The following MAP1B variants were observed in gnomAD, a reference collection of about 807,000 sequenced individuals.
MAP1B encodes microtubule associated protein 1B, also known as microtubule-associated protein 1B.
MAP1B carries 12 observed loss-of-function variants against 176.1 expected under a neutral mutation model. The ratio of observed to expected loss-of-function variants is 0.07; its 90% confidence interval spans 0.04 to 0.11. The LOEUF (loss-of-function observed/expected upper bound fraction) is 0.11, where lower values mean the gene tolerates loss of function less well. MAP1B is among the 10% of genes least tolerant of loss of function. The probability of loss-of-function intolerance (pLI) is 1.00; values close to 1 mark genes in which losing one functional copy is unlikely to be tolerated. For synonymous variants in MAP1B, 1,044 were observed against 1,135.0 expected (o/e 0.92, Z 1.61); for missense variants, 2,523 against 2,990.5 (o/e 0.84, Z 3.65).
rs79929005 is a variant in MAP1B, at chr5:72,147,389, C to T, written c.286+31590C>T. 8.2e-3 allele frequency among the ~76,000 whole-genome samples: 1,255 copies of T among 152,198 alleles called. 12 individuals carry two copies. The highest frequency in any genetic ancestry group is 0.028 in the African/African-American group (1,166 of 41,524). On this transcript the variant is annotated intron_variant, in intron 2 of 6. Transcript: ENST00000296755. ...GCTGGGGCAATATCTTGAAGGTTAC[C>T]TGTGCCTCATCACTTGCTCTGTAAC...
chr5:72,198,568 C>G lies in MAP1B; in HGVS notation c.5213C>G (p.Pro1738Arg). Residue 1738 changes from proline (P) to arginine (R), a missense_variant, in exon 5 of 7, where the codon CCT becomes CGT. By Grantham distance (103) the Pro-to-Arg change is moderately radical. Transcript: ENST00000296755. ...ASPSTSSAHT[P>R]SQIASPLQED... ...CCGTCCACCTCTTCTGCTCATACCCCTTCTCAGATCGCTTCTCCTCTCCAA... is the reference window on the plus strand; with the variant it reads ...CCGTCCACCTCTTCTGCTCATACCCGTTCTCAGATCGCTTCTCCTCTCCAA... The G allele has an allele frequency of 1.2e-6, 2 of 1,614,072 alleles. No individual in the cohort carries two copies. Among genetic ancestry groups the G allele is most frequent in the Non-Finnish European group, 1.7e-6 (2 of 1,180,036 alleles).
chr5:72,176,771 A>G (rs1003328808), intron 2 of MAP1B, among the ~76,000 whole-genome samples: 5 of 152,226 alleles, frequency 3.3e-5, no homozygotes, highest in Non-Finnish European at 7.3e-5. Context: ...ACATTGAATT[A>G]TGCTTTTGCC....
Position 72,199,662 on chromosome 5 carries a change from A to C in MAP1B, c.6307A>C (p.Asn2103His), listed in dbSNP as rs1443159203. 2 of 1,614,122 alleles carry C rather than the reference A, an allele frequency of 1.2e-6. No individual in the cohort carries two copies. The highest frequency in any genetic ancestry group is 1.7e-6 in the Non-Finnish European group (2 of 1,180,022). Residue 2103 changes from asparagine (N) to histidine (H), a missense_variant, in exon 5 of 7, where the codon AAT (asparagine) becomes CAT (histidine). By Grantham distance (68) the Asn-to-His change is moderately conservative. Transcript: ENST00000296755. The surrounding 1 kb of genome is among the most constrained non-coding windows in gnomAD (Gnocchi z 4.2). Reference sequence around the variant, plus strand: ...GACAGAGCTTTCACCCTCTTTCATTAATCCCAATCCTCTTGAGTGGTTTGC... The same window carrying C: ...GACAGAGCTTTCACCCTCTTTCATTCATCCCAATCCTCTTGAGTGGTTTGC... The part of the protein sequence containing the change: ...PKTELSPSFI[N>H]PNPLEWFASE...
intron 2 of MAP1B, among the ~76,000 whole-genome samples, chr5:72,137,816 G>T (rs527716322): frequency 7.1e-4 from 108 of 152,264 alleles, no homozygotes; most frequent in Non-Finnish European, 1.1e-3. Flanking sequence ...ATTTAAATGT[G>T]ATCAAAGGAT....
At chr5:72,117,360 A>C (rs1745453352) in intron 2 of MAP1B, among the ~76,000 whole-genome samples, 1 of 152,034 alleles carries the variant, frequency 6.6e-6, no homozygotes, top group Non-Finnish European at 1.5e-5. Context: ...ACAAGCTTTT[A>C]TTTTTTCTCT....
At position 72,107,553 on chromosome 5, in the gene MAP1B, G is replaced by A. The variant is rs755226519; in HGVS notation, c.22G>A (p.Ala8Thr). MATVVVE[A>T]TEPEPSGSIA... ...CAGGATGGCGACCGTGGTGGTGGAA[G>A]CCACCGAGCCGGAGCCGTCCGGCAG... Residue 8 changes from alanine (A) to threonine (T), a missense_variant, in exon 1 of 7, where the codon GCC (alanine) becomes ACC (threonine). This residue lies in a region of MAP1B where 307 missense variants were observed against 438.4 expected (regional missense o/e 0.70). Coordinates refer to ENST00000296755, the MANE Select transcript of MAP1B (RefSeq NM_005909.5). The A allele has an allele frequency of 3.8e-6, 6 of 1,574,660 alleles. No individual in the cohort carries two copies. In the South Asian group the frequency reaches 4.6e-5, roughly 12 times the overall value.
At chr5:72,147,761 T>C (rs1283143362) in intron 2 of MAP1B, among the ~76,000 whole-genome samples, 1 of 152,034 alleles carries the variant, frequency 6.6e-6, no homozygotes, top group South Asian at 2.1e-4. Flanking sequence ...GGGGAAAAAA[T>C]TGGTTACTAT....
chr5:72,205,402 GT>G lies in MAP1B; in HGVS notation c.*168del. The G allele has an allele frequency of 1.5e-6, 1 of 676,942 alleles. No individual in the cohort carries two copies. The highest frequency in any genetic ancestry group is 2.4e-6 in the Non-Finnish European group (1 of 418,792). 41.9% of individuals were successfully genotyped at this position (676,942 alleles called of 1,614,324 possible). The stretch of plus-strand genomic sequence containing the variant: ...GTGATGCAAGTCACTAAATTTCTCA[GT>G]TTTTGCTGATTGCTAAGGGAAATAA... On this transcript the variant is annotated 3_prime_UTR_variant, in exon 7 of 7. Coordinates refer to ENST00000296755, the MANE Select transcript of MAP1B (RefSeq NM_005909.5).
intron 3 of MAP1B, among the ~76,000 whole-genome samples, 178 bp downstream of exon 3, chr5:72,184,003 A>C (rs1746837184): frequency 6.6e-6 from 1 of 152,330 alleles, no homozygotes; most frequent in Middle Eastern, 3.4e-3. Flanking sequence ...GGTACCATCC[A>C]GACCACTCCT....
chr5:72,147,182 T>C lies in MAP1B; in HGVS notation c.286+31383T>C, dbSNP rs140929470. On this transcript the variant is annotated intron_variant, in intron 2 of 6. Transcript: ENST00000296755. ...CAAGGTTTCACCGTGTTGGCTAGGC[T>C]GGTCTCGAACTCCTGACCTCAAGTG... Among the ~76,000 whole-genome samples the C allele has an allele frequency of 7.8e-4, 119 of 152,212 alleles. 1 individual carries two copies. In the East Asian group the frequency reaches 0.022, roughly 28 times the overall value.
At position 72,200,441 on chromosome 5, in the gene MAP1B, T is replaced by C. The variant is rs545223305; in HGVS notation, c.7012+74T>C. Reference sequence around the variant, plus strand: ...TGCGTTTACAGCCTTTATATTTCCCTGTTTGGCTTTGTACTGGGAAGATGA... The same window carrying C: ...TGCGTTTACAGCCTTTATATTTCCCCGTTTGGCTTTGTACTGGGAAGATGA... On this transcript the variant is annotated intron_variant, in intron 5 of 6. Coordinates refer to ENST00000296755, the MANE Select transcript of MAP1B (RefSeq NM_005909.5). 6,871 of 1,528,150 alleles carry C rather than the reference T, an allele frequency of 4.5e-3. 29 individuals are homozygous for C. Among genetic ancestry groups the C allele is most frequent in the Non-Finnish European group, 5.5e-3 (6,310 of 1,137,460 alleles). 94.7% of individuals were successfully genotyped at this position (1,528,150 alleles called of 1,614,324 possible).
chr5:72,125,563 A>G (rs1745613283), intron 2 of MAP1B, among the ~76,000 whole-genome samples: 1 of 152,210 alleles, frequency 6.6e-6, no homozygotes, highest in Admixed American at 6.5e-5. Context: ...TCAGTTGTTT[A>G]CAATTGAGTA....
intron 2 of MAP1B, among the ~76,000 whole-genome samples, chr5:72,124,544 C>T (rs1466491663): frequency 6.6e-6 from 1 of 152,088 alleles, no homozygotes; most frequent in African/African-American, 2.4e-5. Context: ...GCAGTTGTAC[C>T]GCACCTCATT....
rs754864629 is a variant in MAP1B, at chr5:72,198,647, A to T, written c.5292A>T (p.Ser1764=). 5.5e-5 allele frequency: 88 copies of T among 1,613,978 alleles called. No individual in the cohort carries two copies. The highest frequency in any genetic ancestry group is 1.6e-4 in the Middle Eastern group (1 of 6,084). Residue 1764 remains serine, a synonymous_variant, in exon 5 of 7, where the codon TCA becomes TCT. Transcript: ENST00000296755. ...APPRDMSLYA[S]LTSEKVQSLE... ...CCAGAGATATGTCCTTATATGCCTC[A>T]CTCACCTCTGAAAAAGTGCAAAGTC...
intron 2 of MAP1B, among the ~76,000 whole-genome samples, chr5:72,162,811 C>T (rs1203266049): frequency 6.6e-6 from 1 of 152,196 alleles, no homozygotes; most frequent in East Asian, 1.9e-4. Flanking sequence ...TTAATTCCAG[C>T]ACAGTGAGTG....
chr5:72,145,015 T>C (rs1318401579), intron 2 of MAP1B, among the ~76,000 whole-genome samples: 8 of 152,210 alleles, frequency 5.3e-5, no homozygotes, highest in African/African-American at 1.9e-4. Context: ...GCCTGTGAAT[T>C]ATACTCTGTT....
chr5:72,177,910 T>C lies in MAP1B; in HGVS notation c.287-5833T>C, dbSNP rs554831549. Among the ~76,000 whole-genome samples, 4 of 152,310 alleles carry C rather than the reference T, an allele frequency of 2.6e-5. No homozygotes were observed. In the East Asian group the frequency reaches 7.7e-4, roughly 29 times the overall value. The stretch of plus-strand genomic sequence containing the variant: ...TTGAATAACTCTGACTCTATCATTT[T>C]CTCTTCCTTCCCTTCCTCCCTCTCT... On this transcript the variant is annotated intron_variant, in intron 2 of 6. Transcript: ENST00000296755.
chr5:72,120,223 A>G (rs1561290657), intron 2 of MAP1B, among the ~76,000 whole-genome samples: 1 of 152,170 alleles, frequency 6.6e-6, no homozygotes, highest in African/African-American at 2.4e-5. Flanking sequence ...CTGCCTATTA[A>G]AATAATTTAA....
chr5:72,127,618 T>TA (rs959770591), intron 2 of MAP1B, among the ~76,000 whole-genome samples: 58 of 151,288 alleles, frequency 3.8e-4, no homozygotes, highest in African/African-American at 9.2e-4. Context: ...TTAAAAAAGT[T>TA]AAAAAAAAAC....
Sources: gnomAD v4.1 joint callset for allele counts (sites outside exome capture counted in the v4.1 genomes callset) on GRCh38, gnomAD v4.1.1 for gene constraint, gnomAD v4.1.1 regional missense constraint, Gnocchi (gnomAD v3.1) non-coding constraint, MANE v1.5 for transcripts, NCBI Gene and HGNC (gene_info 2026-07-23, HGNC 2026-07-21) for gene names.